The following MLXIPL variants were observed in gnomAD, a reference collection of about 807,000 sequenced individuals.
MLXIPL encodes MLX interacting protein like.
In MLXIPL, 49 loss-of-function variants were observed where a neutral mutation model predicts 81.5. The ratio of observed to expected loss-of-function variants is 0.60; its 90% confidence interval spans 0.48 to 0.76. The LOEUF is 0.76. Ranked by LOEUF, MLXIPL falls within the 30% of genes least tolerant of loss-of-function variation. The pLI is 0.00. For missense variants in MLXIPL, 1,053 were observed against 1,167.0 expected (o/e 0.90, Z 1.42); for synonymous variants, 466 against 485.5 (o/e 0.96, Z 0.53).
chr7:73,622,766 G>T (rs1238742740), intron 1 of MLXIPL, among the ~76,000 whole-genome samples: 3 of 151,244 alleles, frequency 2.0e-5, no homozygotes, highest in African/African-American at 7.3e-5. Context: ...AATTTTGGGG[G>T]TGCGCTCTGT....
the MLXIPL span, among the ~76,000 whole-genome samples, chr7:73,646,923 G>A: frequency 6.6e-6 from 1 of 152,252 alleles, no homozygotes; most frequent in African/African-American, 2.4e-5. Flanking sequence ...CCTTGTGAAG[G>A]CCCAGAGGGA....
rs1305412209 is a variant in MLXIPL, at chr7:73,595,956, G to C, written c.2072C>G (p.Thr691Ser). Residue 691 changes from threonine (T) to serine (S), a missense_variant, in exon 14 of 17, where the codon ACC (threonine) becomes AGC (serine). Physicochemically the swap from Thr to Ser is moderately conservative, Grantham distance 58. Coordinates refer to ENST00000313375, the MANE Select transcript of MLXIPL (RefSeq NM_032951.3). The part of the protein sequence containing the change: ...AQPSLKVSKA[T>S]TLQKTAEYIL... Reference sequence around the variant, plus strand: ...GTACTCAGCTGTCTTCTGCAGCGTGGTAGCTTTGCTCACCTGCAGACGCCA... The same window carrying C: ...GTACTCAGCTGTCTTCTGCAGCGTGCTAGCTTTGCTCACCTGCAGACGCCA... 6.2e-7 allele frequency: 1 copy of C among 1,612,808 alleles called. No homozygotes were observed. The highest frequency in any genetic ancestry group is 8.5e-7 in the Non-Finnish European group (1 of 1,180,010).
At chr7:73,622,358 G>A (rs1420200801) in intron 1 of MLXIPL, among the ~76,000 whole-genome samples, 1 of 151,906 alleles carries the variant, frequency 6.6e-6, no homozygotes, top group Admixed American at 6.6e-5. Flanking sequence ...TGGAGGTGGT[G>A]GGCGCCTGTA....
chr7:73,607,872 T>TTTTTTTTTTG (rs1554598885), intron 2 of MLXIPL, among the ~76,000 whole-genome samples, 200 bp from the exon 3 acceptor site: 2 of 148,854 alleles, frequency 1.3e-5, no homozygotes, highest in Non-Finnish European at 1.5e-5. Flanking sequence ...TTTTTTTTTT[T>TTTTTTTTTTG]GGAGATAGGG....
upstream of MLXIPL, among the ~76,000 whole-genome samples, chr7:73,627,352 G>A (rs1036129998): frequency 3.3e-5 from 5 of 151,556 alleles, no homozygotes; most frequent in South Asian, 6.2e-4. Context: ...GGGCTCAAGC[G>A]ATTCTCCTGC....
chr7:73,615,286 C>T (rs1397988791), intron 2 of MLXIPL, among the ~76,000 whole-genome samples: 1 of 152,114 alleles, frequency 6.6e-6, no homozygotes, highest in Non-Finnish European at 1.5e-5. Context: ...CCATGGTGGG[C>T]ACCTACTGGA....
At chr7:73,594,015 A>T (rs782001457) in intron 16 of MLXIPL, 32 bp from the exon 17 acceptor site, 7 of 1,578,922 alleles carry the variant, frequency 4.4e-6, no homozygotes, top group African/African-American at 2.7e-5. Flanking sequence ...AGAGACAGAC[A>T]CTTCCTGGGG....
the MLXIPL span, among the ~76,000 whole-genome samples, chr7:73,644,276 C>T: frequency 1.3e-5 from 2 of 151,406 alleles, no homozygotes; most frequent in South Asian, 2.1e-4. Flanking sequence ...GGCTTGATCT[C>T]GGCTCACTGC....
intron 1 of MLXIPL, among the ~76,000 whole-genome samples, chr7:73,617,556 C>G (rs1271193811): frequency 6.6e-6 from 1 of 152,072 alleles, no homozygotes; most frequent in Non-Finnish European, 1.5e-5. Context: ...ATCAAATCCA[C>G]AGGATGGGCT....
chr7:73,594,226 A>G (rs782729192), intron 16 of MLXIPL, 48 bp downstream of exon 16: 4 of 1,607,578 alleles, frequency 2.5e-6, no homozygotes, highest in Non-Finnish European at 3.4e-6. Flanking sequence ...TGCTCCCTCC[A>G]CCCCCGAGGC....
At chr7:73,635,472 T>C in the MLXIPL span, among the ~76,000 whole-genome samples, 1 of 152,118 alleles carries the variant, frequency 6.6e-6, no homozygotes, top group East Asian at 1.9e-4. Flanking sequence ...GTCTATTCAT[T>C]TACAATCTGT....
chr7:73,634,528 A>C, the MLXIPL span, among the ~76,000 whole-genome samples: 2 of 151,858 alleles, frequency 1.3e-5, no homozygotes, highest in African/African-American at 4.8e-5. Flanking sequence ...AGTAGCTGGG[A>C]CTACAGGTGT....
At chr7:73,604,290 C>CT (rs1346675400) in intron 7 of MLXIPL, among the ~76,000 whole-genome samples, 2 of 143,366 alleles carry the variant, frequency 1.4e-5, no homozygotes, top group Non-Finnish European at 3.0e-5. Context: ...TAAAATAACG[C>CT]ACTGGGCACG....
Position 73,602,122 on chromosome 7 carries a change from G to GCCTT in MLXIPL, c.902-2428_902-2427insAAGG, listed in dbSNP as rs1419749580. On this transcript the variant is annotated intron_variant, in intron 7 of 16. Transcript: ENST00000313375. ...TTCCTGCCTGCCTGCCTGCCTGCCT[G>GCCTT]CCTGCCTGCCTTCCTTCCTTCCTTC... Among the ~76,000 whole-genome samples, 80 of 59,654 alleles carry GCCTT rather than the reference G, an allele frequency of 1.3e-3. 1 individual carries two copies. Among genetic ancestry groups the GCCTT allele is most frequent in the African/African-American group, 4.3e-3 (70 of 16,264 alleles). The allele number at this position is 59,654 out of a possible 152,430, so 39.1% of individuals were successfully genotyped here.
chr7:73,630,391 C>T, the MLXIPL span, among the ~76,000 whole-genome samples: 2 of 147,708 alleles, frequency 1.4e-5, no homozygotes, highest in Admixed American at 7.1e-5. Flanking sequence ...TTCCTGGGCT[C>T]AAGTGATCCT....
intron 1 of MLXIPL, among the ~76,000 whole-genome samples, chr7:73,622,809 T>G (rs1035791442): frequency 4.6e-5 from 7 of 152,038 alleles, no homozygotes; most frequent in Non-Finnish European, 7.4e-5. Flanking sequence ...GAACCTCTCC[T>G]CTTTGGTCAC....
intron 3 of MLXIPL, 36 bp downstream of exon 3, chr7:73,607,554 G>T: frequency 6.2e-7 from 1 of 1,605,834 alleles, no homozygotes; most frequent in Non-Finnish European, 8.5e-7. Flanking sequence ...GGGTGGGCAG[G>T]TGGGCAGGTG....
chr7:73,604,661 A>T (rs1268688155), intron 7 of MLXIPL, among the ~76,000 whole-genome samples: 1 of 152,190 alleles, frequency 6.6e-6, no homozygotes, highest in East Asian at 1.9e-4. Flanking sequence ...AAGAGTTGAT[A>T]AGTCGGTGAC....
intron 7 of MLXIPL, among the ~76,000 whole-genome samples, chr7:73,602,167 T>TTCCTTCCTTCCTTC (rs1554596522): frequency 2.6e-3 from 58 of 22,634 alleles, no homozygotes; most frequent in Middle Eastern, 0.024. Context: ...TTCCTTCCTT[T>TTCCTTCCTTCCTTC]CTTTCCCTCT....
Sources: gnomAD v4.1 joint callset for allele counts (sites outside exome capture counted in the v4.1 genomes callset) on GRCh38, gnomAD v4.1.1 for gene constraint, MANE v1.5 for transcripts, NCBI Gene and HGNC (gene_info 2026-07-23, HGNC 2026-07-21) for gene names.